PRMT2: variants seen among roughly 807,000 people sequenced by gnomAD.
PRMT2 encodes protein arginine methyltransferase 2.
A neutral mutation model predicts 57.6 loss-of-function variants in PRMT2; 26 were observed. That is an observed-to-expected ratio of 0.45 (90% confidence interval 0.33 to 0.63). PRMT2 has a LOEUF of 0.63. Ranked by LOEUF, PRMT2 falls within the 20% of genes least tolerant of loss-of-function variation. PRMT2 has a pLI of 0.02. For missense variants in PRMT2, 472 were observed against 564.4 expected (o/e 0.84, Z 1.66); for synonymous variants, 219 against 220.0 (o/e 1.00, Z 0.04).
intron 4 of PRMT2, 35 bp from the exon 5 acceptor site, chr21:46,644,271 G>A: frequency 6.3e-7 from 1 of 1,588,150 alleles, no homozygotes; most frequent in South Asian, 1.1e-5. Flanking sequence ...CCAATGACTG[G>A]TTTTCTTATT....
At chr21:46,659,411 A>G (rs2148999608) in intron 8 of PRMT2, 1 of 985,856 alleles carries the variant, frequency 1.0e-6, no homozygotes, top group East Asian at 1.1e-4. Flanking sequence ...ACACGATTGT[A>G]AAAGCAAACA....
At chr21:46,643,432 A>G (rs2061312110) in intron 3 of PRMT2, 103 bp from the exon 4 acceptor site, 1 of 1,377,974 alleles carries the variant, frequency 7.3e-7, no homozygotes. Flanking sequence ...ACTTGGACAC[A>G]TGAATCTGTA....
rs2061424303 is a variant in PRMT2, at chr21:46,649,882, G to A, written c.654+143G>A. ...TAATGTGAGGTCTAATTAATTTCTTGTGTGGACATTGGCTCAGTGTCTTGA... is the reference window on the plus strand; with the variant it reads ...TAATGTGAGGTCTAATTAATTTCTTATGTGGACATTGGCTCAGTGTCTTGA... On this transcript the variant is annotated intron_variant, in intron 7 of 11. Coordinates refer to ENST00000355680, the MANE Select transcript of PRMT2 (RefSeq NM_206962.4). The surrounding 1 kb of genome is among the most constrained non-coding windows in gnomAD (Gnocchi z 4.8). The A allele has an allele frequency of 3.4e-6, 5 of 1,487,464 alleles. No individual in the cohort carries two copies. In the South Asian group the frequency reaches 4.0e-5, roughly 12 times the overall value. 92.1% of individuals were successfully genotyped at this position (1,487,464 alleles called of 1,614,324 possible).
In PRMT2 at chr21:46,661,815, C is replaced by T; in HGVS notation, c.976C>T (p.Leu326=). ...ISDLETLRGE[L]RFDIRKAGTL... is the part of the protein sequence containing the mutation. ...CTTGACCCAGACCCTGAGGGGCGAG[C>T]TGCGCTTCGACATCAGGAAGGCGGG... The change falls in exon 10 of 12, where the codon CTG becomes TTG. Residue 326 remains leucine (L), a synonymous_variant. Transcript: ENST00000355680. The T allele has an allele frequency of 6.8e-7, 1 of 1,462,084 alleles. No individual in the cohort carries two copies. The highest frequency in any genetic ancestry group is 9.1e-7 in the Non-Finnish European group (1 of 1,097,730). The allele number at this position is 1,462,084 out of a possible 1,614,324, so 90.6% of individuals were successfully genotyped here. A position where few individuals can be genotyped will look rare whatever the true frequency, so the allele number is the denominator to read the frequency against.
chr21:46,651,823 C>T (rs2061459343), intron 7 of PRMT2: 3 of 1,613,078 alleles, frequency 1.9e-6, no homozygotes, highest in Non-Finnish European at 2.5e-6. Context: ...CTCTCCTGAG[C>T]TGCCGCATTC....
At chr21:46,655,694 C>T (rs1387123134) in intron 7 of PRMT2, among the ~76,000 whole-genome samples, 1 of 151,974 alleles carries the variant, frequency 6.6e-6, no homozygotes, top group Admixed American at 6.5e-5. Flanking sequence ...TAGCAATGTA[C>T]AATTAGAAAT....
At position 46,649,958 on chromosome 21, in the gene PRMT2, C is replaced by A; in HGVS notation, c.654+219C>A. 6.9e-7 allele frequency: 1 copy of A among 1,443,872 alleles called. No homozygotes were observed. The highest frequency in any genetic ancestry group is 1.5e-5 in the South Asian group (1 of 67,258). The allele number at this position is 1,443,872 out of a possible 1,614,324, so 89.4% of individuals were successfully genotyped here. The stretch of plus-strand genomic sequence containing the variant: ...TTTATGAGAAATTTAAGTCAAAGTT[C>A]ATGTAACATTTTCATGAGTGATTTA... On this transcript the variant is annotated intron_variant, in intron 7 of 11. Transcript: ENST00000355680. The surrounding 1 kb of genome is among the most constrained non-coding windows in gnomAD (Gnocchi z 4.8).
Position 46,660,912 on chromosome 21 carries a change from T to G in PRMT2, c.910T>G (p.Cys304Gly). 1.9e-6 allele frequency: 3 copies of G among 1,613,566 alleles called. No individual in the cohort carries two copies. Among genetic ancestry groups the G allele is most frequent in the Non-Finnish European group, 2.5e-6 (3 of 1,179,488 alleles). The change falls in exon 9 of 12, where the codon TGC becomes GGC. Residue 304 changes from cysteine (C) to glycine (G), a missense_variant. Transcript: ENST00000355680. ...ACCAGAAGACTGTCTCTCTGAACCG[T>G]GCACTATATTGCAGTTGGACATGAG... ...LKPEDCLSEPCTILQLDMRTV... is the reference protein window; with the variant it reads ...LKPEDCLSEPGTILQLDMRTV...
chr21:46,642,894 C>G (rs1407580870), intron 3 of PRMT2, among the ~76,000 whole-genome samples: 1 of 152,098 alleles, frequency 6.6e-6, no homozygotes, highest in East Asian at 1.9e-4. Flanking sequence ...TGTAGTGGTG[C>G]ACACCTGTTG....
intron 7 of PRMT2, chr21:46,654,118 G>T: frequency 1.0e-6 from 1 of 985,346 alleles, no homozygotes; most frequent in Non-Finnish European, 1.2e-6. Flanking sequence ...CAGAGACCAG[G>T]CACCAAATTT....
chr21:46,637,142 C>A, intron 3 of PRMT2, 152 bp downstream of exon 3: 2 of 701,494 alleles, frequency 2.9e-6, no homozygotes, highest in Non-Finnish European at 2.4e-6. Flanking sequence ...GATTGTGAGG[C>A]AGAGGAAACG....
intron 3 of PRMT2, among the ~76,000 whole-genome samples, chr21:46,642,662 T>A (rs1288754972): frequency 6.6e-6 from 1 of 152,228 alleles, no homozygotes; most frequent in Non-Finnish European, 1.5e-5. Flanking sequence ...GTTGATTCAT[T>A]GAACTGGAGT....
chr21:46,640,992 G>T (rs2300406), intron 3 of PRMT2, among the ~76,000 whole-genome samples: 1 of 151,770 alleles, frequency 6.6e-6, no homozygotes, highest in African/African-American at 2.4e-5. Flanking sequence ...TATCTATATT[G>T]TACCAAGAGT....
At chr21:46,639,669 T>TA (rs34367325) in intron 3 of PRMT2, among the ~76,000 whole-genome samples, 14,974 of 149,340 alleles carry the variant, frequency 0.1, 822 homozygotes, top group Middle Eastern at 0.16. Flanking sequence ...TTTTTTTTTT[T>TA]ATCATTAGTG....
In PRMT2 at chr21:46,665,025, G is replaced by GT. The variant is rs1214885511; in HGVS notation, c.*703dup. On this transcript the variant is annotated 3_prime_UTR_variant, in exon 12 of 12. Transcript: ENST00000355680. Reference sequence around the variant, plus strand: ...TCATACTATATGCATTGCTTTATAAGTTTTTCTCAATATTGTGAAAAAACT... The same window carrying GT: ...TCATACTATATGCATTGCTTTATAAGTTTTTTCTCAATATTGTGAAAAAACT... The GT allele has an allele frequency of 1.3e-5, 2 of 152,060 alleles. No homozygotes were observed. The allele number at this position is 152,060 out of a possible 1,614,324, so 9.4% of individuals were successfully genotyped here.
chr21:46,664,326 G>A lies in PRMT2; in HGVS notation c.1301G>A (p.Ter434=). ...VGEKVFPIWR[*] ...GAAAAAGTCTTCCCCATCTGGAGATGACAGTTGATGCTTTATTTGGAAAGC... is the reference window on the plus strand; with the variant it reads ...GAAAAAGTCTTCCCCATCTGGAGATAACAGTTGATGCTTTATTTGGAAAGC... The change falls in exon 12 of 12, where the codon TGA becomes TAA. Residue 434 remains the stop codon, a stop_retained_variant. Coordinates refer to ENST00000355680, the MANE Select transcript of PRMT2 (RefSeq NM_206962.4). The A allele has an allele frequency of 1.2e-6, 2 of 1,614,106 alleles. No homozygotes were observed. Among genetic ancestry groups the A allele is most frequent in the Non-Finnish European group, 1.7e-6 (2 of 1,179,982 alleles).
At chr21:46,639,878 G>A (rs1034426511) in intron 3 of PRMT2, among the ~76,000 whole-genome samples, 1 of 151,994 alleles carries the variant, frequency 6.6e-6, no homozygotes, top group African/African-American at 2.4e-5. Flanking sequence ...AACACTTCAT[G>A]TTATGACGAA....
At chr21:46,641,342 A>G (rs777414160) in intron 3 of PRMT2, among the ~76,000 whole-genome samples, 1 of 152,202 alleles carries the variant, frequency 6.6e-6, no homozygotes, top group Non-Finnish European at 1.5e-5. Flanking sequence ...TGAAGGTAGT[A>G]AATCAGGGTT....
intron 7 of PRMT2, 189 bp from the exon 8 acceptor site, chr21:46,658,556 A>G (rs556599504): frequency 1.2e-5 from 12 of 984,958 alleles, no homozygotes; most frequent in Middle Eastern, 3.2e-4. Flanking sequence ...TGTGAGATGC[A>G]TCAGTGACGT....
Sources: allele counts gnomAD v4.1 joint callset (sites outside exome capture counted in the v4.1 genomes callset), GRCh38; gene constraint gnomAD v4.1.1; non-coding constraint Gnocchi (gnomAD v3.1); transcripts MANE v1.5; gene names NCBI Gene and HGNC (gene_info 2026-07-23, HGNC 2026-07-21).